The following RELN variants were observed in gnomAD, a reference collection of about 807,000 sequenced individuals.
The protein encoded by RELN is reelin.
RELN carries 108 observed loss-of-function variants against 427.6 expected under a neutral mutation model. The observed-to-expected ratio is 0.25, with a 90% CI of 0.22 to 0.30. RELN has a LOEUF of 0.30. RELN is among the 10% of genes least tolerant of loss of function. RELN has a pLI of 1.00. For missense variants in RELN, 3,715 were observed against 4,302.8 expected (o/e 0.86, Z 3.82); for synonymous variants, 1,524 against 1,513.4 (o/e 1.01, Z -0.16).
At chr7:103,625,031 TAAAC>T (rs1380590502) in intron 20 of RELN, among the ~76,000 whole-genome samples, 3 of 152,220 alleles carry the variant, frequency 2.0e-5, no homozygotes, top group Admixed American at 6.5e-5. Context: ...CCATTAATGA[TAAAC>T]AAAAACTATA....
In RELN at chr7:103,749,423, T is replaced by C; in HGVS notation, c.656+3A>G. 1 of 1,609,448 alleles carries C rather than the reference T, an allele frequency of 6.2e-7. No homozygotes were observed. Among genetic ancestry groups the C allele is most frequent in the Non-Finnish European group, 8.5e-7 (1 of 1,175,838 alleles). On this transcript the variant is annotated splice_donor_region_variant and intron_variant, in intron 6 of 64. Coordinates refer to ENST00000428762, the MANE Select transcript of RELN (RefSeq NM_005045.4). ...CAAAGTGAGGAATGTTCCTGTAACTTACCATATATTTGGATTTAATTGCAG... is the reference window on the plus strand; with the variant it reads ...CAAAGTGAGGAATGTTCCTGTAACTCACCATATATTTGGATTTAATTGCAG...
chr7:103,712,365 T>C (rs988172687), intron 8 of RELN, among the ~76,000 whole-genome samples: 5 of 152,198 alleles, frequency 3.3e-5, no homozygotes, highest in African/African-American at 1.2e-4. Flanking sequence ...CGTGATTTGA[T>C]ATAAAATCAA....
chr7:103,711,622 C>T (rs116008884), intron 8 of RELN, among the ~76,000 whole-genome samples: 1,779 of 152,112 alleles, frequency 0.012, 38 homozygotes, highest in African/African-American at 0.04. Context: ...AGATTAGAAT[C>T]GATGAAATGA....
At chr7:103,864,309 C>T (rs528955174) in intron 2 of RELN, among the ~76,000 whole-genome samples, 4 of 152,230 alleles carry the variant, frequency 2.6e-5, no homozygotes, top group Non-Finnish European at 4.4e-5. Flanking sequence ...ACACTTAATA[C>T]GAGGTCCACC....
chr7:103,741,486 T>C (rs982686585), intron 6 of RELN, among the ~76,000 whole-genome samples: 1 of 151,988 alleles, frequency 6.6e-6, no homozygotes, highest in Non-Finnish European at 1.5e-5. Context: ...ATAATAATAA[T>C]GTTTTAATCA....
chr7:103,680,856 C>T (rs1249705048), intron 11 of RELN, among the ~76,000 whole-genome samples: 4 of 152,024 alleles, frequency 2.6e-5, no homozygotes, highest in Non-Finnish European at 5.9e-5. Context: ...AGGACTGAGC[C>T]TTGGTGCTGG....
chr7:103,553,350 C>T, intron 40 of RELN, 111 bp downstream of exon 40: 2 of 794,654 alleles, frequency 2.5e-6, no homozygotes, highest in Non-Finnish European at 4.2e-6. Flanking sequence ...TACATCCTTG[C>T]ACAAAAATGG....
chr7:103,596,900 C>A (rs998352159), intron 24 of RELN, among the ~76,000 whole-genome samples: 2 of 152,054 alleles, frequency 1.3e-5, no homozygotes, highest in African/African-American at 2.4e-5. Context: ...TATGAGAGAC[C>A]CTTGGGAATT....
chr7:103,885,266 G>A (rs1327375470), intron 2 of RELN, among the ~76,000 whole-genome samples: 1 of 151,974 alleles, frequency 6.6e-6, no homozygotes, highest in Non-Finnish European at 1.5e-5. Flanking sequence ...GTGAACCCAG[G>A]AGGTGGAGCT....
At chr7:103,667,117 A>T (rs73177965) in intron 11 of RELN, among the ~76,000 whole-genome samples, 7,893 of 152,260 alleles carry the variant, frequency 0.052, 275 homozygotes, top group Middle Eastern at 0.18. Context: ...ATCATACTTG[A>T]TCCAACATTT....
intron 57 of RELN, 112 bp from the exon 58 acceptor site, chr7:103,492,138 C>T (rs1828694656): frequency 1.2e-6 from 1 of 852,482 alleles, no homozygotes; most frequent in Non-Finnish European, 1.9e-6. Flanking sequence ...TTCAGAGAAG[C>T]TTTTATAGAG....
chr7:103,880,206 C>A (rs1034552450), intron 2 of RELN, among the ~76,000 whole-genome samples: 2 of 151,712 alleles, frequency 1.3e-5, no homozygotes, highest in Non-Finnish European at 2.9e-5. Flanking sequence ...AGAAAGACAG[C>A]AAAGCATGCC....
At chr7:103,631,737 A>G (rs1359331885) in intron 19 of RELN, among the ~76,000 whole-genome samples, 1 of 152,148 alleles carries the variant, frequency 6.6e-6, no homozygotes, top group Non-Finnish European at 1.5e-5. Context: ...GTAATTTTCA[A>G]TTTTAATTTT....
chr7:103,640,892 C>T lies in RELN; in HGVS notation c.2003-283G>A, dbSNP rs986542226. On this transcript the variant is annotated intron_variant, in intron 16 of 64. Coordinates refer to ENST00000428762, the MANE Select transcript of RELN (RefSeq NM_005045.4). The surrounding 1 kb of genome is among the most constrained non-coding windows in gnomAD (Gnocchi z 4.1). ...AATAGAGTCTATTAGACAATATTAG[C>T]GCTTCTGCCTTGAACATTCTACAAA... Among the ~76,000 whole-genome samples, 3 of 152,036 alleles carry T rather than the reference C, an allele frequency of 2.0e-5. No homozygotes were observed. The highest frequency in any genetic ancestry group is 4.8e-5 in the African/African-American group (2 of 41,418).
intron 1 of RELN, among the ~76,000 whole-genome samples, chr7:103,921,283 T>C (rs1795612127): frequency 6.6e-6 from 1 of 152,224 alleles, no homozygotes. Context: ...AAGGTTTACA[T>C]AAAATCATTA....
intron 16 of RELN, among the ~76,000 whole-genome samples, chr7:103,647,008 T>A (rs573904890): frequency 1.3e-4 from 19 of 151,814 alleles, no homozygotes; most frequent in African/African-American, 4.3e-4. Flanking sequence ...AAATTCAGCA[T>A]CCTTTCACAA....
rs1832560651 is a variant in RELN, at chr7:103,635,529, G to A, written c.2361C>T (p.Ala787=). ...AAACTCCTTCACCAGGCTGATCAGG[G>A]GCTCTGCACGTGCTCAGAACAGATT... ...GSKSVLSTCR[A]PDQPGEGVLL... Residue 787 remains alanine (A), a synonymous_variant, in exon 19 of 65, where the codon GCC becomes GCT. Transcript: ENST00000428762. The A allele has an allele frequency of 1.9e-6, 3 of 1,613,600 alleles. No homozygotes were observed. The highest frequency in any genetic ancestry group is 2.7e-5 in the African/African-American group (2 of 74,866).
At chr7:103,927,214 A>G (rs1343284654) in intron 1 of RELN, among the ~76,000 whole-genome samples, 2 of 152,194 alleles carry the variant, frequency 1.3e-5, no homozygotes, top group African/African-American at 4.8e-5. Flanking sequence ...TCATTTATTA[A>G]GCAAATATTT....
At chr7:103,491,823 GTCTCTCTCTCTCTCTCTCTCTC>G (rs60846683) in intron 58 of RELN, 108 bp downstream of exon 58, 2 of 429,118 alleles carry the variant, frequency 4.7e-6, no homozygotes, top group Admixed American at 2.9e-5. Context: ...GAGCGAAACT[GTCTCTCTCTCTCTCTCTCTCTC>G]TCTCTCTCTC....
Sources: gnomAD v4.1 joint callset for allele counts (sites outside exome capture counted in the v4.1 genomes callset) on GRCh38, gnomAD v4.1.1 for gene constraint, Gnocchi (gnomAD v3.1) non-coding constraint, MANE v1.5 for transcripts, NCBI Gene and HGNC (gene_info 2026-07-23, HGNC 2026-07-21) for gene names.